Variants in MBD5 observed in about 807,000 individuals in gnomAD.
The protein encoded by MBD5 is methyl-CpG-binding domain protein 5.
Under a neutral mutation model 117.3 loss-of-function variants are expected in MBD5, and 13 were observed. The ratio of observed to expected loss-of-function variants is 0.11; its 90% confidence interval spans 0.07 to 0.18. The LOEUF is 0.18. MBD5 is among the 10% of genes least tolerant of loss of function. MBD5 has a pLI of 1.00. For missense variants in MBD5, 1,879 were observed against 2,093.8 expected, an observed-to-expected ratio of 0.90 and a Z score of 2.00; for synonymous variants, 727 against 766.4, an observed-to-expected ratio of 0.95 and a Z score of 0.85.
At chr2:148,416,755 C>T (rs1705432957) in intron 4 of MBD5, among the ~76,000 whole-genome samples, 1 of 151,984 alleles carries the variant, frequency 6.6e-6, no homozygotes, top group South Asian at 2.1e-4. Context: ...GCTAGTTTTT[C>T]ATCCCTCACA....
At chr2:148,226,588 T>C (rs1488997407) in intron 2 of MBD5, among the ~76,000 whole-genome samples, 1 of 152,214 alleles carries the variant, frequency 6.6e-6, no homozygotes, top group African/African-American at 2.4e-5. Context: ...TGCATGTGTC[T>C]TTATAGCAGC....
intron 1 of MBD5, among the ~76,000 whole-genome samples, chr2:148,115,140 A>T (rs1696602897): frequency 6.6e-6 from 1 of 152,152 alleles, no homozygotes; most frequent in Admixed American, 6.5e-5. Context: ...ATCTTGTCAG[A>T]TTACTACATA....
Position 148,489,926 on chromosome 2 carries a change from G to A in MBD5, c.4294G>A (p.Gly1432Arg), listed in dbSNP as rs201334086. The A allele has an allele frequency of 4.0e-5, 64 of 1,613,986 alleles. No homozygotes were observed. The highest frequency in any genetic ancestry group is 3.3e-4 in the Middle Eastern group (2 of 6,062). Residue 1432 changes from glycine (G) to arginine (R), a missense_variant, in exon 11 of 14, where the codon GGG becomes AGG. By Grantham distance (125) the Gly-to-Arg change is moderately radical. Around this residue, in one of 4 missense-constraint regions of MBD5, gnomAD observed 1,666 missense variants for 1,792.2 expected, o/e 0.93. Coordinates refer to ENST00000642680, the MANE Select transcript of MBD5 (RefSeq NM_001378120.1). ...CCACACATCCAAAAAACAGTGGGAC[G>A]GGGAGCAAAGCCCCAGAGGGGAGCG... Reference protein sequence around the residue: ...SCHTSKKQWDGEQSPRGERNR... With the variant: ...SCHTSKKQWDREQSPRGERNR...
intron 3 of MBD5, among the ~76,000 whole-genome samples, chr2:148,280,061 TTTTTCTTTTTTC>T (rs1701205071): frequency 6.6e-6 from 1 of 151,514 alleles, no homozygotes; most frequent in Non-Finnish European, 1.5e-5. Flanking sequence ...TGCTTCTGCT[TTTTTCTTTTTTC>T]TCGTTTCCTG....
intron 3 of MBD5, among the ~76,000 whole-genome samples, chr2:148,319,144 G>A (rs1702225377): frequency 6.6e-6 from 1 of 152,094 alleles, no homozygotes; most frequent in African/African-American, 2.4e-5. Context: ...ATGCTATTTT[G>A]GTTACTATAG....
At chr2:148,046,733 TAG>T (rs1694545755) in intron 1 of MBD5, among the ~76,000 whole-genome samples, 1 of 152,204 alleles carries the variant, frequency 6.6e-6, no homozygotes, top group African/African-American at 2.4e-5. Flanking sequence ...GTAATCTCCT[TAG>T]CTAATTAATC....
chr2:148,030,004 G>A (rs578029221), intron 1 of MBD5, among the ~76,000 whole-genome samples: 1 of 152,262 alleles, frequency 6.6e-6, no homozygotes, highest in South Asian at 2.1e-4. Context: ...AGGTGCGGTG[G>A]CTCATGCCTT....
At chr2:148,426,793 T>C (rs990354788) in intron 4 of MBD5, among the ~76,000 whole-genome samples, 1 of 152,060 alleles carries the variant, frequency 6.6e-6, no homozygotes, top group African/African-American at 2.4e-5. Context: ...AAGCCAGAAT[T>C]GACAAATGGG....
intron 1 of MBD5, among the ~76,000 whole-genome samples, chr2:148,040,415 C>G (rs1486246597): frequency 6.6e-6 from 1 of 152,030 alleles, no homozygotes; most frequent in African/African-American, 2.4e-5. Context: ...TTCATTAAAT[C>G]TGAGTGTGTA....
chr2:148,144,562 A>G (rs1335596305), intron 1 of MBD5, among the ~76,000 whole-genome samples: 2 of 152,152 alleles, frequency 1.3e-5, no homozygotes, highest in Non-Finnish European at 2.9e-5. Flanking sequence ...GTTTTCTTCT[A>G]GGGTTTTTAT....
chr2:148,256,627 G>C (rs1297768624), intron 3 of MBD5, among the ~76,000 whole-genome samples: 1 of 152,190 alleles, frequency 6.6e-6, no homozygotes, highest in African/African-American at 2.4e-5. Context: ...TGGCTACTTT[G>C]TCCACACCGG....
intron 1 of MBD5, chr2:148,071,406 A>G (rs1023661675): frequency 1.3e-5 from 2 of 151,724 alleles, no homozygotes; most frequent in Non-Finnish European, 1.5e-5. Context: ...TATTGTGGTA[A>G]GTCACTTTAT....
At chr2:148,127,353 A>C (rs1696926790) in intron 1 of MBD5, among the ~76,000 whole-genome samples, 1 of 152,160 alleles carries the variant, frequency 6.6e-6, no homozygotes. Flanking sequence ...TATTAAGCCC[A>C]GCATCCATTA....
Position 148,152,350 on chromosome 2 carries a change from T to C in MBD5, c.-924-26350T>C, listed in dbSNP as rs572241178. On this transcript the variant is annotated intron_variant, in intron 1 of 13. Transcript: ENST00000642680. ...TCTTTTACATTTGCTGAGGAGAGCT[T>C]TACTTCCAAGTTTGTGGTCAATTTG... 3.6e-3 allele frequency among the ~76,000 whole-genome samples: 547 copies of C among 152,298 alleles called. 1 individual carries two copies. The highest frequency in any genetic ancestry group is 5.5e-3 in the Non-Finnish European group (373 of 68,030).
At chr2:148,078,484 T>C (rs1695562749) in intron 1 of MBD5, among the ~76,000 whole-genome samples, 1 of 152,222 alleles carries the variant, frequency 6.6e-6, no homozygotes, top group Admixed American at 6.5e-5. Context: ...AGTCCACTTC[T>C]CCTGGCTATT....
At chr2:148,387,587 C>T (rs1704414449) in intron 4 of MBD5, among the ~76,000 whole-genome samples, 3 of 151,876 alleles carry the variant, frequency 2.0e-5, no homozygotes, top group African/African-American at 7.3e-5. Context: ...ATAAAACTGC[C>T]TTCATTTGTC....
At chr2:148,501,802 C>T (rs1466659702) in intron 11 of MBD5, among the ~76,000 whole-genome samples, 1 of 152,148 alleles carries the variant, frequency 6.6e-6, no homozygotes, top group African/African-American at 2.4e-5. Context: ...CCTCTTCTCA[C>T]GTTTTATGGC....
chr2:148,508,752 T>C (rs1311646167), intron 12 of MBD5, among the ~76,000 whole-genome samples: 1 of 152,220 alleles, frequency 6.6e-6, no homozygotes, highest in Non-Finnish European at 1.5e-5. Context: ...TTCCCTTCAG[T>C]TAAACTGACC....
intron 4 of MBD5, among the ~76,000 whole-genome samples, chr2:148,445,906 T>C (rs1574431608): frequency 6.6e-6 from 1 of 151,474 alleles, no homozygotes; most frequent in Non-Finnish European, 1.5e-5. Context: ...CATTTTTTCA[T>C]GTGTCTGTTG....
Sources: gnomAD v4.1 joint callset for allele counts (sites outside exome capture counted in the v4.1 genomes callset) on GRCh38, gnomAD v4.1.1 for gene constraint, gnomAD v4.1.1 regional missense constraint, MANE v1.5 for transcripts, NCBI Gene and HGNC (gene_info 2026-07-23, HGNC 2026-07-21) for gene names.